NPHP1: variants seen among roughly 807,000 people sequenced by gnomAD.
NPHP1 encodes the protein nephrocystin-1.
NPHP1 carries 70 observed loss-of-function variants against 90.4 expected under a neutral mutation model. That is an observed-to-expected ratio of 0.77 (90% CI 0.64 to 0.95). NPHP1 has a LOEUF of 0.95. Among genes scored for constraint, NPHP1 ranks in the 40% least tolerant of loss-of-function variants. NPHP1 has a pLI of 0.00. For synonymous variants in NPHP1, 256 were observed against 271.7 expected, an observed-to-expected ratio of 0.94 and a Z score of 0.57; for missense variants, 764 against 795.9, an observed-to-expected ratio of 0.96 and a Z score of 0.48.
intron 6 of NPHP1, 53 bp downstream of exon 6, chr2:110,168,399 A>G (rs1415075645): frequency 9.0e-7 from 1 of 1,109,880 alleles, no homozygotes; most frequent in African/African-American, 1.6e-5. Flanking sequence ...ATGTTTTATT[A>G]AAAGCGAAAA....
chr2:110,204,518 G>T (rs1685795658), intron 1 of NPHP1, among the ~76,000 whole-genome samples: 1 of 152,156 alleles, frequency 6.6e-6, no homozygotes, highest in African/African-American at 2.4e-5. Flanking sequence ...GAAAGTGGAG[G>T]AGAGGAGCTA....
intron 2 of NPHP1, among the ~76,000 whole-genome samples, chr2:110,196,118 C>A (rs1685146166): frequency 6.6e-6 from 1 of 151,858 alleles, no homozygotes; most frequent in African/African-American, 2.4e-5. Flanking sequence ...TCTAAAACAC[C>A]AAAAGCAATG....
chr2:110,174,817 CTTT>C (rs112745291), intron 4 of NPHP1, among the ~76,000 whole-genome samples: 2 of 133,162 alleles, frequency 1.5e-5, no homozygotes. Flanking sequence ...CATTTTTGTG[CTTT>C]TTTTTTTTTT....
chr2:110,158,144 T>C (rs1424553160), intron 11 of NPHP1, among the ~76,000 whole-genome samples: 1 of 152,160 alleles, frequency 6.6e-6, no homozygotes. Context: ...TCAAATTTAA[T>C]TCCATGTAAT....
intron 11 of NPHP1, among the ~76,000 whole-genome samples, chr2:110,157,072 G>A (rs1034752260): frequency 1.3e-5 from 2 of 152,090 alleles, no homozygotes; most frequent in African/African-American, 4.8e-5. Flanking sequence ...ACTGCGCCCA[G>A]CCCAATGCTT....
intron 15 of NPHP1, chr2:110,143,981 C>G (rs1055003565): frequency 2.0e-5 from 7 of 346,032 alleles, no homozygotes; most frequent in Non-Finnish European, 3.3e-5. Flanking sequence ...TGTCTTGAAT[C>G]ACCAAACAAA....
At chr2:110,142,539 A>ATGG (rs1278728554) in intron 16 of NPHP1, among the ~76,000 whole-genome samples, 2 of 150,300 alleles carry the variant, frequency 1.3e-5, no homozygotes, top group Non-Finnish European at 3.0e-5. Context: ...TTTGGTAGAG[A>ATGG]TGGGGTCTTG....
chr2:110,161,567 AAG>A (rs759118346), intron 10 of NPHP1, 34 bp downstream of exon 10: 17 of 1,340,792 alleles, frequency 1.3e-5, no homozygotes, highest in South Asian at 1.2e-4. Flanking sequence ...CAAAATCTGG[AAG>A]AGTTACACTT....
chr2:110,195,780 A>G (rs1233111481), intron 2 of NPHP1, among the ~76,000 whole-genome samples: 1 of 152,166 alleles, frequency 6.6e-6, no homozygotes, highest in Admixed American at 6.5e-5. Context: ...TAACCAAAAC[A>G]GCATGGTACT....
chr2:110,165,029 G>C (rs1682619952), intron 7 of NPHP1, 23 bp downstream of exon 7: 1 of 1,550,594 alleles, frequency 6.4e-7, no homozygotes, highest in African/African-American at 1.4e-5. Context: ...AACCTACTTT[G>C]ATATCCTTTC....
chr2:110,148,849 C>T (rs756140498), intron 12 of NPHP1, among the ~76,000 whole-genome samples: 6 of 152,146 alleles, frequency 3.9e-5, no homozygotes, highest in Admixed American at 1.3e-4. Context: ...TTCTCTTTTG[C>T]TCATTCAATT....
At chr2:110,161,087 G>A (rs1178196474) in intron 10 of NPHP1, among the ~76,000 whole-genome samples, 2 of 152,062 alleles carry the variant, frequency 1.3e-5, no homozygotes, top group African/African-American at 4.8e-5. Context: ...GGTCGCTTGA[G>A]CCCAGGAATT....
rs1574225164 is a variant in NPHP1, at chr2:110,204,976, G to A, written c.-8C>T. ...CTGTCGTCTCGCCAGCATCTCCCTG[G>A]CTGCGGTGCTCTGATTGCTCCAGTT... On this transcript the variant is annotated 5_prime_UTR_variant, in exon 1 of 20. Coordinates refer to ENST00000445609, the MANE Select transcript of NPHP1 (RefSeq NM_001128178.3). 6.2e-7 allele frequency: 1 copy of A among 1,613,870 alleles called. No homozygotes were observed. The highest frequency in any genetic ancestry group is 8.5e-7 in the Non-Finnish European group (1 of 1,179,850).
chr2:110,163,436 C>G (rs994490871), intron 8 of NPHP1: 6 of 380,040 alleles, frequency 1.6e-5, no homozygotes, highest in Non-Finnish European at 3.0e-5. Flanking sequence ...CCCTGCGCTT[C>G]CATTTCACAG....
At chr2:110,172,354 T>C (rs1683193309) in intron 4 of NPHP1, among the ~76,000 whole-genome samples, 2 of 152,176 alleles carry the variant, frequency 1.3e-5, no homozygotes, top group African/African-American at 2.4e-5. Flanking sequence ...CTGTTTATTG[T>C]TCACTGTTTT....
At chr2:110,180,096 T>A (rs1322915992) in intron 2 of NPHP1, among the ~76,000 whole-genome samples, 1 of 152,156 alleles carries the variant, frequency 6.6e-6, no homozygotes, top group Admixed American at 6.5e-5. Context: ...TTAAGCCTCA[T>A]AACAACCCTC....
rs1473660887 is a variant in NPHP1 at position 110,160,248 on chromosome 2, G to A, written c.962C>T (p.Ser321Leu). 7 of 1,607,144 alleles carry A rather than the reference G, an allele frequency of 4.4e-6. No homozygotes were observed. The South Asian group carries it at 4.4e-5, about 10-fold the overall frequency. Residue 321 changes from serine (S) to leucine (L), a missense_variant, in exon 11 of 20, where the codon TCG becomes TTG. By Grantham distance (145) the Ser-to-Leu change is moderately radical. Transcript: ENST00000445609. ...MWDATEGTIR[S>L]RPSRISLILT... The stretch of plus-strand genomic sequence containing the variant: ...AATCAATGAAATACGACTTGGTCTC[G>A]ACCTAATCTGAAAGAAAAATTAGTT...
At chr2:110,127,866 G>T (rs773228769) in intron 18 of NPHP1, 5 of 152,194 alleles carry the variant, frequency 3.3e-5, no homozygotes, top group Non-Finnish European at 7.3e-5. Flanking sequence ...CCTGTGGCCA[G>T]CACAGTGCCT....
At position 110,161,470 on chromosome 2, in the gene NPHP1, C is replaced by T. The variant is rs1682324632; in HGVS notation, c.954+133G>A. The T allele has an allele frequency of 3.3e-5, 21 of 636,762 alleles. No individual in the cohort carries two copies. In the South Asian group the frequency reaches 3.7e-4, roughly 11 times the overall value. 39.4% of individuals were successfully genotyped at this position (636,762 alleles called of 1,614,324 possible). On this transcript the variant is annotated intron_variant, in intron 10 of 19. Coordinates refer to ENST00000445609, the MANE Select transcript of NPHP1 (RefSeq NM_001128178.3). ...TTCTGCCTTAGTTATAAAAATATCG[C>T]TATTTTCAAAATTATCATAAACAAT...
Sources: allele counts gnomAD v4.1 joint callset (sites outside exome capture counted in the v4.1 genomes callset), GRCh38; gene constraint gnomAD v4.1.1; transcripts MANE v1.5; gene names NCBI Gene and HGNC (gene_info 2026-07-23, HGNC 2026-07-21).